BICRA: variants seen among roughly 807,000 people sequenced by gnomAD.
BICRA encodes BRD4-interacting chromatin-remodeling complex-associated protein.
In BICRA, 31 loss-of-function variants were observed where a neutral mutation model predicts 96.9. The ratio of observed to expected loss-of-function variants is 0.32; its 90% CI spans 0.24 to 0.43. The LOEUF is 0.43. Ranked by LOEUF, BICRA falls within the 20% of genes least tolerant of loss-of-function variation. The probability of loss-of-function intolerance (pLI) is 1.00; values close to 1 mark genes in which losing one functional copy is unlikely to be tolerated. For missense variants in BICRA, 2,283 were observed against 2,190.3 expected, an observed-to-expected ratio of 1.04 and a Z score of -0.84; for synonymous variants, 1,350 against 1,071.8, an observed-to-expected ratio of 1.26 and a Z score of -5.07.
intron 10 of BICRA, among the ~76,000 whole-genome samples, chr19:47,695,943 A>AC (rs1325858736): frequency 6.6e-6 from 1 of 152,006 alleles, no homozygotes; most frequent in Non-Finnish European, 1.5e-5. Flanking sequence ...GAGACAGAAG[A>AC]CAAGGAGAGG....
intron 1 of BICRA, among the ~76,000 whole-genome samples, chr19:47,623,085 A>T (rs1972089505): frequency 6.6e-6 from 1 of 151,986 alleles, no homozygotes; most frequent in Admixed American, 6.6e-5. Context: ...TAGACATTAC[A>T]TAATACATAA....
chr19:47,615,294 C>T (rs549803613), intron 1 of BICRA, among the ~76,000 whole-genome samples: 42 of 152,310 alleles, frequency 2.8e-4, no homozygotes, highest in African/African-American at 9.6e-4. Flanking sequence ...TCATGCTGCA[C>T]CTTGAAGAAA....
upstream of BICRA, chr19:47,609,027 C>G (rs1382280754): frequency 6.8e-6 from 1 of 146,422 alleles, no homozygotes; most frequent in African/African-American, 2.5e-5. Context: ...GGCGGGGGCC[C>G]GGCAGCGGCT....
At chr19:47,679,048 A>G (rs547767281) in intron 5 of BICRA, 3 of 304,978 alleles carry the variant, frequency 9.8e-6, no homozygotes, top group Admixed American at 4.9e-5. Context: ...CCACAGGCAC[A>G]TGCTGCCACC....
intron 1 of BICRA, among the ~76,000 whole-genome samples, chr19:47,647,083 G>A (rs528267699): frequency 1.3e-5 from 2 of 152,188 alleles, no homozygotes; most frequent in African/African-American, 4.8e-5. Flanking sequence ...TTCACTCAGC[G>A]TGATGTTGTC....
At position 47,680,166 on chromosome 19, in the gene BICRA, C is replaced by T; in HGVS notation, c.996C>T (p.Gly332=). The T allele has an allele frequency of 2.6e-6, 4 of 1,534,472 alleles. No individual in the cohort carries two copies. The highest frequency in any genetic ancestry group is 3.5e-6 in the Non-Finnish European group (4 of 1,149,372). Residue 332 remains glycine (G), a synonymous_variant, in exon 6 of 15, where the codon GGC becomes GGT. Transcript: ENST00000594866. ...GQPLAVAPGL[G]SSPLVPAPNV... The stretch of plus-strand genomic sequence containing the variant: ...CGCTGGCGGTGGCCCCAGGCCTCGG[C>T]TCGTCGCCACTGGTCCCGGCGCCCA...
intron 1 of BICRA, among the ~76,000 whole-genome samples, chr19:47,657,194 C>T (rs1972631897): frequency 6.6e-6 from 1 of 152,100 alleles, no homozygotes; most frequent in Admixed American, 6.6e-5. Context: ...TGGACTCACA[C>T]AGTGTGTAGA....
At chr19:47,695,342 T>TCGGGGGGCCCCCCCCCCCC in intron 9 of BICRA, 23 bp from the exon 10 acceptor site, 2 of 630,144 alleles carry the variant, frequency 3.2e-6, no homozygotes, top group Non-Finnish European at 5.7e-6. Context: ...AGGCCCTGTC[T>TCGGGGGGCCCCCCCCCCCC]CCCCCACCCC....
rs3074109 is a variant in BICRA, at chr19:47,685,741, CTGTGTGTGTGTGTGTGTG to C, written c.2283+3618_2283+3635del. On this transcript the variant is annotated intron_variant, in intron 7 of 14. Coordinates refer to ENST00000594866, the MANE Select transcript of BICRA (RefSeq NM_001394372.1). ...TGTACCCAGATGGATTTGGCAGCCT[CTGTGTGTGTGTGTGTGTG>C]TGTGTGTGTGTGTGTGTGTGTGTGT... Among the ~76,000 whole-genome samples, 578 of 115,556 alleles carry C rather than the reference CTGTGTGTGTGTGTGTGTG, an allele frequency of 5.0e-3. 3 individuals are homozygous for C. The highest frequency in any genetic ancestry group is 8.2e-3 in the Non-Finnish European group (460 of 56,112). The allele number at this position is 115,556 out of a possible 152,430, so 75.8% of individuals were successfully genotyped here.
intron 1 of BICRA, among the ~76,000 whole-genome samples, chr19:47,654,182 C>T (rs1271377183): frequency 1.3e-5 from 2 of 152,208 alleles, no homozygotes; most frequent in Non-Finnish European, 2.9e-5. Flanking sequence ...TTCCGCCACA[C>T]CCTCACGAAC....
At chr19:47,678,076 A>G (rs1176130802) in intron 5 of BICRA, among the ~76,000 whole-genome samples, 1 of 152,188 alleles carries the variant, frequency 6.6e-6, no homozygotes, top group Non-Finnish European at 1.5e-5. Context: ...TTGTGGGCCT[A>G]TATCACTATT....
chr19:47,684,748 G>A (rs1423294756), intron 7 of BICRA, among the ~76,000 whole-genome samples: 1 of 152,194 alleles, frequency 6.6e-6, no homozygotes, highest in East Asian at 1.9e-4. Context: ...GCAAATGGTA[G>A]GGCCTGGATT....
chr19:47,617,468 G>A (rs2974229), intron 1 of BICRA, among the ~76,000 whole-genome samples: 130,922 of 151,922 alleles, frequency 0.86, 56,522 homozygotes, highest in Admixed American at 0.89. Flanking sequence ...GGCTCCAGCA[G>A]TTCTCGTGCC....
chr19:47,660,613 G>A (rs1001333929), intron 1 of BICRA, among the ~76,000 whole-genome samples: 2 of 152,212 alleles, frequency 1.3e-5, no homozygotes, highest in Non-Finnish European at 2.9e-5. Flanking sequence ...AGGTTCACGG[G>A]AATGACTCAT....
At chr19:47,632,773 A>G (rs576291311) in intron 1 of BICRA, among the ~76,000 whole-genome samples, 30 of 152,344 alleles carry the variant, frequency 2.0e-4, no homozygotes, top group African/African-American at 7.0e-4. Context: ...GACCACCTTC[A>G]GGCACAGGCC....
chr19:47,630,178 T>G (rs1197421608), intron 1 of BICRA, among the ~76,000 whole-genome samples: 1 of 147,346 alleles, frequency 6.8e-6, no homozygotes, highest in East Asian at 2.0e-4. Context: ...TTTTTTTTTT[T>G]GAGATGGAGT....
rs551410868 is a variant in BICRA at position 47,689,735 on chromosome 19, C to A, written c.2284-4380C>A. On this transcript the variant is annotated intron_variant, in intron 7 of 14. Coordinates refer to ENST00000594866, the MANE Select transcript of BICRA (RefSeq NM_001394372.1). Reference sequence around the variant, plus strand: ...GGCCACCTGGCCTAATTTTTGTATCCCTTTCCAGTTCTTCGTGTATATACA... The same window carrying A: ...GGCCACCTGGCCTAATTTTTGTATCACTTTCCAGTTCTTCGTGTATATACA... Among the ~76,000 whole-genome samples, 36 of 152,308 alleles carry A rather than the reference C, an allele frequency of 2.4e-4. 1 individual carries two copies. Among genetic ancestry groups the A allele is most frequent in the Admixed American group, 1.9e-3 (29 of 15,294 alleles).
intron 1 of BICRA, among the ~76,000 whole-genome samples, chr19:47,632,048 C>G (rs1195136844): frequency 6.6e-6 from 1 of 152,202 alleles, no homozygotes; most frequent in African/African-American, 2.4e-5. Flanking sequence ...TTTCCATTCT[C>G]TGTCTTTGAC....
At chr19:47,618,037 G>A (rs762780534) in intron 1 of BICRA, among the ~76,000 whole-genome samples, 2 of 152,196 alleles carry the variant, frequency 1.3e-5, no homozygotes, top group Non-Finnish European at 2.9e-5. Flanking sequence ...TCCTTTTTCT[G>A]TGATCCCCTT....
Sources: allele counts gnomAD v4.1 joint callset (sites outside exome capture counted in the v4.1 genomes callset), GRCh38; gene constraint gnomAD v4.1.1; transcripts MANE v1.5; gene names NCBI Gene and HGNC (gene_info 2026-07-23, HGNC 2026-07-21).